The following RALYL variants were observed in gnomAD, a reference collection of about 807,000 sequenced individuals.
RALYL encodes the protein RALY RNA binding protein like, also known as RNA-binding Raly-like protein.
Under a neutral mutation model 35.1 loss-of-function variants are expected in RALYL, and 29 were observed. The observed-to-expected ratio is 0.83, with a 90% CI of 0.61 to 1.13. The LOEUF is 1.13. Ranked by LOEUF, RALYL falls within the 50% of genes most tolerant of loss-of-function variation. The pLI, the probability that RALYL is intolerant of heterozygous loss-of-function variation, is 0.00. For missense variants in RALYL, 359 were observed against 360.4 expected (o/e 1.00, Z 0.03); for synonymous variants, 120 against 127.6 (o/e 0.94, Z 0.40).
chr8:84,202,113 C>T (rs761704620), intron 1 of RALYL, among the ~76,000 whole-genome samples: 1 of 151,246 alleles, frequency 6.6e-6, no homozygotes, highest in Non-Finnish European at 1.5e-5. Context: ...TGAGTATTTC[C>T]ATACACTTTT....
chr8:84,767,251 T>C (rs113258885), intron 2 of RALYL, among the ~76,000 whole-genome samples: 65 of 152,308 alleles, frequency 4.3e-4, no homozygotes, highest in African/African-American at 1.5e-3. Flanking sequence ...GTTCAGCTCA[T>C]TGACTTTTTT....
At chr8:84,244,980 C>T (rs1161974177) in intron 1 of RALYL, among the ~76,000 whole-genome samples, 2 of 152,142 alleles carry the variant, frequency 1.3e-5, no homozygotes, top group Non-Finnish European at 2.9e-5. Context: ...TTCAAGTTCA[C>T]GCAATTACCC....
At chr8:84,437,587 G>A (rs986018930) in intron 1 of RALYL, among the ~76,000 whole-genome samples, 3 of 151,976 alleles carry the variant, frequency 2.0e-5, no homozygotes, top group African/African-American at 4.8e-5. Flanking sequence ...TGGTTTTGAT[G>A]TGCATTTCTC....
intron 2 of RALYL, among the ~76,000 whole-genome samples, chr8:84,759,367 G>A (rs192340112): frequency 6.6e-6 from 1 of 152,032 alleles, no homozygotes; most frequent in South Asian, 2.1e-4. Context: ...TCATCCTCCT[G>A]CCCAAATACA....
intron 1 of RALYL, among the ~76,000 whole-genome samples, chr8:84,271,252 A>C (rs933170675): frequency 6.6e-6 from 1 of 152,142 alleles, no homozygotes; most frequent in Non-Finnish European, 1.5e-5. Context: ...GAATAGACCT[A>C]ACAAAAATAT....
chr8:84,434,399 G>T (rs955314947), intron 1 of RALYL, among the ~76,000 whole-genome samples: 1 of 152,098 alleles, frequency 6.6e-6, no homozygotes, highest in Non-Finnish European at 1.5e-5. Flanking sequence ...TTTTTGTACA[G>T]ATTCTTAGCT....
chr8:84,409,467 G>A (rs766327669), intron 1 of RALYL, among the ~76,000 whole-genome samples: 3 of 152,010 alleles, frequency 2.0e-5, no homozygotes, highest in Non-Finnish European at 2.9e-5. Flanking sequence ...TAATTATTCT[G>A]TTGGTCCACC....
chr8:84,668,520 GGT>G (rs921017114), intron 2 of RALYL, among the ~76,000 whole-genome samples: 8 of 152,124 alleles, frequency 5.3e-5, no homozygotes, highest in African/African-American at 1.9e-4. Context: ...AGAGTGCCTG[GGT>G]GGAAGTTCCA....
At chr8:84,568,355 C>T (rs1262822446) in intron 2 of RALYL, among the ~76,000 whole-genome samples, 4 of 151,658 alleles carry the variant, frequency 2.6e-5, no homozygotes, top group Non-Finnish European at 4.4e-5. Context: ...CAGTTTCATC[C>T]GTGTCCCTAC....
intron 2 of RALYL, among the ~76,000 whole-genome samples, chr8:84,574,004 G>T (rs371664766): frequency 4.6e-5 from 7 of 151,356 alleles, no homozygotes; most frequent in African/African-American, 1.7e-4. Context: ...ACAAATTTTA[G>T]ATTCTTCCAC....
intron 2 of RALYL, among the ~76,000 whole-genome samples, chr8:84,639,040 G>A (rs1414958682): frequency 1.4e-5 from 2 of 146,308 alleles, no homozygotes; most frequent in African/African-American, 5.1e-5. Flanking sequence ...TATTATATTA[G>A]GCCTCATGAG....
chr8:84,738,799 G>A (rs1031407360), intron 2 of RALYL, among the ~76,000 whole-genome samples: 7 of 151,936 alleles, frequency 4.6e-5, no homozygotes, highest in Non-Finnish European at 1.0e-4. Flanking sequence ...AACATCAATG[G>A]GGAAGTACTA....
intron 1 of RALYL, among the ~76,000 whole-genome samples, chr8:84,263,147 T>G (rs1265764998): frequency 6.6e-6 from 1 of 152,170 alleles, no homozygotes; most frequent in African/African-American, 2.4e-5. Flanking sequence ...CTATTATTAA[T>G]TGGGAAAAGT....
chr8:84,197,678 G>A (rs184921476), intron 1 of RALYL, among the ~76,000 whole-genome samples: 36 of 151,324 alleles, frequency 2.4e-4, no homozygotes, highest in Admixed American at 2.0e-3. Flanking sequence ...CCTGTAATCC[G>A]AGCTCTCAGG....
chr8:84,912,829 T>C (rs977529468), intron 8 of RALYL, among the ~76,000 whole-genome samples: 1 of 152,030 alleles, frequency 6.6e-6, no homozygotes, highest in Admixed American at 6.6e-5. Context: ...AGTGCAGAAA[T>C]ATGTGATTGT....
At chr8:84,211,912 G>A (rs1819581548) in intron 1 of RALYL, among the ~76,000 whole-genome samples, 1 of 152,060 alleles carries the variant, frequency 6.6e-6, no homozygotes. Context: ...ATACTGCCAA[G>A]CAATATTATA....
chr8:84,320,433 C>G lies in RALYL; in HGVS notation c.-24+136009C>G, dbSNP rs181275401. ...GCATATATGTGTGTATGTGTATATACATGCACATACACACACTTATGTCTC... is the reference window on the plus strand; with the variant it reads ...GCATATATGTGTGTATGTGTATATAGATGCACATACACACACTTATGTCTC... On this transcript the variant is annotated intron_variant, in intron 1 of 8. Coordinates refer to ENST00000521268, the MANE Select transcript of RALYL (RefSeq NM_173848.7). Among the ~76,000 whole-genome samples, 8 of 151,006 alleles carry G rather than the reference C, an allele frequency of 5.3e-5. No individual in the cohort carries two copies. In the East Asian group the frequency reaches 1.6e-3, roughly 29 times the overall value.
chr8:84,351,118 G>A (rs906840112), intron 1 of RALYL, among the ~76,000 whole-genome samples: 2 of 149,628 alleles, frequency 1.3e-5, no homozygotes, highest in Admixed American at 6.6e-5. Flanking sequence ...TATCAATATC[G>A]AACAGTGTTA....
At chr8:84,295,927 C>G (rs1177478800) in intron 1 of RALYL, among the ~76,000 whole-genome samples, 1 of 152,098 alleles carries the variant, frequency 6.6e-6, no homozygotes, top group African/African-American at 2.4e-5. Context: ...GGAAGGGACA[C>G]TACCAGGACA....
Sources: allele counts gnomAD v4.1 joint callset (sites outside exome capture counted in the v4.1 genomes callset), GRCh38; gene constraint gnomAD v4.1.1; transcripts MANE v1.5; gene names NCBI Gene and HGNC (gene_info 2026-07-23, HGNC 2026-07-21).